The following CCAR1 variants were observed in gnomAD, a reference collection of about 807,000 sequenced individuals.
The protein encoded by CCAR1 is cell division cycle and apoptosis regulator protein 1.
CCAR1 carries 78 observed loss-of-function variants against 163.8 expected under a neutral mutation model. The observed-to-expected ratio is 0.48, with a 90% confidence interval of 0.40 to 0.57. The LOEUF (loss-of-function observed/expected upper bound fraction) is 0.57. CCAR1 is among the 20% of genes least tolerant of loss of function. The pLI, the probability that CCAR1 is intolerant of heterozygous loss-of-function variation, is 0.00. For missense variants in CCAR1, 1,019 were observed against 1,365.2 expected (o/e 0.75, Z 4.00); for synonymous variants, 443 against 460.7 (o/e 0.96, Z 0.49).
rs538875293 is a variant in CCAR1 at position 68,782,881 on chromosome 10, C to G, written c.2651-3255C>G. Among the ~76,000 whole-genome samples, 9 of 152,226 alleles carry G rather than the reference C, an allele frequency of 5.9e-5. No individual in the cohort carries two copies. In the East Asian group the frequency reaches 1.7e-3, roughly 29 times the overall value. On this transcript the variant is annotated intron_variant, in intron 19 of 24. Coordinates refer to ENST00000265872, the MANE Select transcript of CCAR1 (RefSeq NM_018237.4). ...AAAGATTCTTTTCAAAATATTACTT[C>G]TCACTGACACCACACCTAGTCACCC...
At position 68,760,947 on chromosome 10, in the gene CCAR1, G is replaced by A. The variant is rs542419401; in HGVS notation, c.1921-60G>A. ...TAGTTTGTTTCCTATTTCAATATCCGCTGCCCCCCGCCCCCCGCCACCTTT... is the reference window on the plus strand; with the variant it reads ...TAGTTTGTTTCCTATTTCAATATCCACTGCCCCCCGCCCCCCGCCACCTTT... On this transcript the variant is annotated intron_variant, in intron 15 of 24. Transcript: ENST00000265872. The A allele has an allele frequency of 4.9e-5, 26 of 534,550 alleles. 1 individual carries two copies. In the South Asian group the frequency reaches 6.6e-4, roughly 14 times the overall value. The allele number at this position is 534,550 out of a possible 1,614,324, so 33.1% of individuals were successfully genotyped here.
chr10:68,786,088 AG>A lies in CCAR1; in HGVS notation c.2651-47del, dbSNP rs2056791942. On this transcript the variant is annotated intron_variant, in intron 19 of 24. Transcript: ENST00000265872. ...TCATGTGCCACTGTGCCCACTTGAAAGTATGTGTATTAATGACTTTTTTGCC... is the reference window on the plus strand; with the variant it reads ...TCATGTGCCACTGTGCCCACTTGAAATATGTGTATTAATGACTTTTTTGCC... 3 of 1,266,090 alleles carry A rather than the reference AG, an allele frequency of 2.4e-6. No individual in the cohort carries two copies. In the East Asian group the frequency reaches 7.1e-5, roughly 30 times the overall value. 78.4% of individuals were successfully genotyped at this position (1,266,090 alleles called of 1,614,324 possible).
At chr10:68,790,554 G>GTCT (rs1270649861) in intron 24 of CCAR1, among the ~76,000 whole-genome samples, 1 of 151,852 alleles carries the variant, frequency 6.6e-6, no homozygotes, top group Non-Finnish European at 1.5e-5. Context: ...TTGAGACAGG[G>GTCT]TCTTGCACTT....
In CCAR1 at chr10:68,747,568, T is replaced by G; in HGVS notation, c.826+2T>G. 6.2e-7 allele frequency: 1 copy of G among 1,607,748 alleles called. No homozygotes were observed. The highest frequency in any genetic ancestry group is 8.5e-7 in the Non-Finnish European group (1 of 1,175,760). ...TATTACAGCAGCCTCAGCAAAAAGG[T>G]ATCTTTGCTTTTGTTTCAGGCAAAT... On this transcript the variant is annotated splice_donor_variant, in intron 8 of 24. Coordinates refer to ENST00000265872, the MANE Select transcript of CCAR1 (RefSeq NM_018237.4). LOFTEE classifies it high-confidence loss of function.
chr10:68,767,003 AT>A (rs2056544456), intron 17 of CCAR1, among the ~76,000 whole-genome samples: 1 of 151,988 alleles, frequency 6.6e-6, no homozygotes, highest in African/African-American at 2.4e-5. Flanking sequence ...ATGTAAATTG[AT>A]TGTTGGATCT....
chr10:68,760,953 C>G lies in CCAR1; in HGVS notation c.1921-54C>G. The G allele has an allele frequency of 4.9e-6, 3 of 614,278 alleles. 1 individual carries two copies. Among genetic ancestry groups the G allele is most frequent in the Admixed American group, 6.2e-5 (2 of 32,424 alleles). 38.1% of individuals were successfully genotyped at this position (614,278 alleles called of 1,614,324 possible). A position where few individuals can be genotyped will look rare whatever the true frequency, so the allele number is the denominator to read the frequency against. ...GTTTCCTATTTCAATATCCGCTGCCCCCCGCCCCCCGCCACCTTTTTTTTT... is the reference window on the plus strand; with the variant it reads ...GTTTCCTATTTCAATATCCGCTGCCGCCCGCCCCCCGCCACCTTTTTTTTT... On this transcript the variant is annotated intron_variant, in intron 15 of 24. Transcript: ENST00000265872.
intron 2 of CCAR1, among the ~76,000 whole-genome samples, chr10:68,729,237 G>A (rs2055996991): frequency 6.6e-6 from 1 of 151,536 alleles, no homozygotes; most frequent in Non-Finnish European, 1.5e-5. Flanking sequence ...AGCCAGGCGT[G>A]GTGACTTACT....
At chr10:68,780,533 A>C (rs1440447861) in intron 19 of CCAR1, among the ~76,000 whole-genome samples, 1 of 152,182 alleles carries the variant, frequency 6.6e-6, no homozygotes, top group Non-Finnish European at 1.5e-5. Flanking sequence ...TAACACCTTT[A>C]TTGAAATGTA....
At chr10:68,777,031 T>G (rs377473493) in intron 19 of CCAR1, among the ~76,000 whole-genome samples, 4 of 152,202 alleles carry the variant, frequency 2.6e-5, no homozygotes, top group African/African-American at 9.7e-5. Flanking sequence ...TCTCATTTAA[T>G]GACAATTCCA....
rs535443367 is a variant in CCAR1, at chr10:68,766,120, C to T, written c.2298+41C>T. 5 of 1,157,706 alleles carry T rather than the reference C, an allele frequency of 4.3e-6. No individual in the cohort carries two copies. In the East Asian group the frequency reaches 7.2e-5, roughly 17 times the overall value. The allele number at this position is 1,157,706 out of a possible 1,614,324, so 71.7% of individuals were successfully genotyped here. A position where few individuals can be genotyped will look rare whatever the true frequency, so the allele number is the denominator to read the frequency against. The stretch of plus-strand genomic sequence containing the variant: ...TGAAATAAGATCCATATAAGGTCCA[C>T]ACATTATGACTAGTTAATATATCTC... On this transcript the variant is annotated intron_variant, in intron 17 of 24. Coordinates refer to ENST00000265872, the MANE Select transcript of CCAR1 (RefSeq NM_018237.4).
rs777251634 is a variant in CCAR1 at position 68,786,117 on chromosome 10, T to A, written c.2651-19T>A. The A allele has an allele frequency of 5.1e-6, 8 of 1,568,236 alleles. No individual in the cohort carries two copies. The highest frequency in any genetic ancestry group is 1.4e-5 in the African/African-American group (1 of 73,892). Reference sequence around the variant, plus strand: ...TGTGTATTAATGACTTTTTTGCCACTGTTATATTTATTTTACAGATAGGGA... The same window carrying A: ...TGTGTATTAATGACTTTTTTGCCACAGTTATATTTATTTTACAGATAGGGA... On this transcript the variant is annotated intron_variant, in intron 19 of 24. Transcript: ENST00000265872.
At chr10:68,770,449 T>A (rs2056587725) in intron 17 of CCAR1, among the ~76,000 whole-genome samples, 1 of 152,170 alleles carries the variant, frequency 6.6e-6, no homozygotes, top group South Asian at 2.1e-4. Context: ...TCATGAAGAT[T>A]AACGGTTGGT....
At chr10:68,729,367 T>G (rs1470743328) in intron 2 of CCAR1, among the ~76,000 whole-genome samples, 2 of 151,670 alleles carry the variant, frequency 1.3e-5, no homozygotes, top group African/African-American at 4.8e-5. Context: ...CCTCCTGGGT[T>G]CATGCCATTC....
chr10:68,785,395 A>AT (rs1490119262), intron 19 of CCAR1, among the ~76,000 whole-genome samples: 2 of 149,892 alleles, frequency 1.3e-5, no homozygotes, highest in African/African-American at 4.9e-5. Context: ...TAATTTTTGT[A>AT]TTTTTTTGTA....
intron 19 of CCAR1, among the ~76,000 whole-genome samples, chr10:68,782,712 C>T (rs570466574): frequency 1.1e-3 from 166 of 152,206 alleles, no homozygotes; most frequent in African/African-American, 1.4e-3. Flanking sequence ...CTAAACCTAC[C>T]GTACCTGTGC....
intron 17 of CCAR1, among the ~76,000 whole-genome samples, chr10:68,770,709 C>T (rs2056591011): frequency 6.6e-6 from 1 of 152,116 alleles, no homozygotes; most frequent in Admixed American, 6.6e-5. Context: ...TGCCACTGCA[C>T]TCCAGTTTGG....
Position 68,755,520 on chromosome 10 carries a change from A to C in CCAR1, c.1609A>C (p.Ser537Arg). 6.2e-7 allele frequency: 1 copy of C among 1,613,776 alleles called. No individual in the cohort carries two copies. The highest frequency in any genetic ancestry group is 8.5e-7 in the Non-Finnish European group (1 of 1,179,736). ...CCKALTGIDL[S>R]VCTQWYRFAE... ...TAAGGCTCTGACAGGCATTGATCTA[A>C]GTGTGTGCACACAATGGTAAGTACT... Residue 537 changes from serine (S) to arginine (R), a missense_variant, in exon 13 of 25, where the codon AGT becomes CGT. Coordinates refer to ENST00000265872, the MANE Select transcript of CCAR1 (RefSeq NM_018237.4).
In CCAR1 at chr10:68,787,934, A is replaced by G. The variant is rs149846066; in HGVS notation, c.2888A>G (p.Lys963Arg). The change falls in exon 22 of 25, where the codon AAG (lysine) becomes AGG (arginine). Residue 963 changes from lysine to arginine, a missense_variant. Physicochemically the swap from Lys to Arg is conservative, Grantham distance 26. Coordinates refer to ENST00000265872, the MANE Select transcript of CCAR1 (RefSeq NM_018237.4). ...GLHLSRAQVK[K>R]LLNKVVLRES... ...TACTTGCATGCATAACAGGTAAAGA[A>G]GCTTCTTAATAAAGTAGTGCTCCGT... 5.0e-6 allele frequency: 8 copies of G among 1,603,750 alleles called. No individual in the cohort carries two copies. Among genetic ancestry groups the G allele is most frequent in the Non-Finnish European group, 5.9e-6 (7 of 1,177,388 alleles).
At chr10:68,731,591 G>GTTTTTTT (rs67032408) in intron 2 of CCAR1, among the ~76,000 whole-genome samples, 40 of 75,614 alleles carry the variant, frequency 5.3e-4, no homozygotes, top group Non-Finnish European at 6.7e-4. Flanking sequence ...TCTTGTTTCT[G>GTTTTTTT]TTTTTTTTTT....
Sources: allele counts gnomAD v4.1 joint callset (sites outside exome capture counted in the v4.1 genomes callset), GRCh38; gene constraint gnomAD v4.1.1; transcripts MANE v1.5; gene names NCBI Gene and HGNC (gene_info 2026-07-23, HGNC 2026-07-21).